Variants in ENPP6 observed in about 807,000 individuals in gnomAD.
ENPP6 encodes ectonucleotide pyrophosphatase/phosphodiesterase 6.
A neutral mutation model predicts 42.0 loss-of-function variants in ENPP6; 32 were observed. The ratio of observed to expected loss-of-function variants is 0.76; its 90% CI spans 0.58 to 1.02. The LOEUF (loss-of-function observed/expected upper bound fraction) is 1.02. ENPP6 is among the 50% of genes least tolerant of loss of function. The pLI is 0.00. For synonymous variants in ENPP6, 213 were observed against 216.0 expected (o/e 0.99, Z 0.12); for missense variants, 552 against 566.8 (o/e 0.97, Z 0.27).
intron 5 of ENPP6, among the ~76,000 whole-genome samples, chr4:184,113,899 T>TTTTCTTTCTTTC (rs70959170): frequency 0.027 from 2,821 of 103,680 alleles, 88 homozygotes; most frequent in Middle Eastern, 0.035. Flanking sequence ...CCTTTCTTTC[T>TTTTCTTTCTTTC]TTTCTTTCTT....
chr4:184,106,531 C>T (rs1736100238), intron 6 of ENPP6, among the ~76,000 whole-genome samples: 1 of 152,064 alleles, frequency 6.6e-6, no homozygotes, highest in Non-Finnish European at 1.5e-5. Context: ...ATTCCCTCAG[C>T]CTGGAGAGCA....
chr4:184,154,669 A>G (rs1056321696), intron 1 of ENPP6, among the ~76,000 whole-genome samples: 5 of 152,208 alleles, frequency 3.3e-5, no homozygotes, highest in Non-Finnish European at 7.3e-5. Flanking sequence ...ATAGACACTA[A>G]AAATATCAAA....
intron 1 of ENPP6, among the ~76,000 whole-genome samples, chr4:184,195,966 G>A (rs371000695): frequency 4.6e-5 from 7 of 152,170 alleles, no homozygotes; most frequent in African/African-American, 1.7e-4. Flanking sequence ...CTTGACCTGA[G>A]GTTCATTCTG....
chr4:184,151,171 C>G (rs1237573818), intron 2 of ENPP6, among the ~76,000 whole-genome samples: 1 of 152,146 alleles, frequency 6.6e-6, no homozygotes, highest in Non-Finnish European at 1.5e-5. Context: ...AACCCTGTCT[C>G]TACCAAAAAT....
chr4:184,147,506 G>A (rs1169502727), intron 2 of ENPP6, among the ~76,000 whole-genome samples: 2 of 152,142 alleles, frequency 1.3e-5, no homozygotes, highest in Non-Finnish European at 2.9e-5. Flanking sequence ...TTCAGCATGG[G>A]CCAGATGCTC....
At chr4:184,136,442 C>T (rs1159588478) in intron 2 of ENPP6, among the ~76,000 whole-genome samples, 1 of 152,064 alleles carries the variant, frequency 6.6e-6, no homozygotes, top group African/African-American at 2.4e-5. Context: ...CTCTTCATTT[C>T]CTCCTCCATC....
At chr4:184,206,616 A>T (rs1450455825) in intron 1 of ENPP6, among the ~76,000 whole-genome samples, 1 of 152,184 alleles carries the variant, frequency 6.6e-6, no homozygotes, top group Non-Finnish European at 1.5e-5. Context: ...CGATTGTTCA[A>T]GTACTTTCTG....
At chr4:184,131,204 C>CTTTCT (rs1560987306) in intron 2 of ENPP6, among the ~76,000 whole-genome samples, 1 of 45,180 alleles carries the variant, frequency 2.2e-5, no homozygotes, top group East Asian at 5.3e-4. Flanking sequence ...TTTCTTTCTT[C>CTTTCT]TTTCTTTCTT....
At chr4:184,179,040 G>A (rs1471201961) in intron 1 of ENPP6, among the ~76,000 whole-genome samples, 1 of 152,188 alleles carries the variant, frequency 6.6e-6, no homozygotes, top group Non-Finnish European at 1.5e-5. Flanking sequence ...AACCTTAACT[G>A]TAAATGGGAT....
intron 1 of ENPP6, among the ~76,000 whole-genome samples, chr4:184,172,652 GT>G (rs1467280614): frequency 6.6e-6 from 1 of 152,100 alleles, no homozygotes; most frequent in African/African-American, 2.4e-5. Context: ...ACTAATGTGG[GT>G]TTTTTTCTGC....
At chr4:184,120,131 T>A (rs1487368501) in intron 3 of ENPP6, among the ~76,000 whole-genome samples, 1 of 152,044 alleles carries the variant, frequency 6.6e-6, no homozygotes, top group African/African-American at 2.4e-5. Context: ...TGGCCCTAGA[T>A]CGCTTTTCCT....
At chr4:184,159,071 G>A (rs1459068598) in intron 1 of ENPP6, among the ~76,000 whole-genome samples, 2 of 152,104 alleles carry the variant, frequency 1.3e-5, no homozygotes, top group African/African-American at 4.8e-5. Context: ...CTGGCTACAT[G>A]TTTTATGTCA....
chr4:184,091,514 T>C, intron 7 of ENPP6, 132 bp from the exon 8 acceptor site: 1 of 779,366 alleles, frequency 1.3e-6, no homozygotes, highest in South Asian at 1.9e-5. Context: ...ATCAGTGGGG[T>C]GTGGCCTAGT....
intron 2 of ENPP6, among the ~76,000 whole-genome samples, chr4:184,125,280 G>A (rs546547462): frequency 2.6e-5 from 4 of 152,246 alleles, no homozygotes; most frequent in South Asian, 2.1e-4. Context: ...ATTTAGCCAC[G>A]GCAGTGGGAT....
Position 184,171,569 on chromosome 4 carries a change from C to A in ENPP6, c.242-17836G>T, listed in dbSNP as rs561354588. Among the ~76,000 whole-genome samples, 13 of 152,288 alleles carry A rather than the reference C, an allele frequency of 8.5e-5. No homozygotes were observed. In the South Asian group the frequency reaches 1.5e-3, roughly 17 times the overall value. ...AATATGATCTGCCACCATGAGAAAACAAATTCAAATAATTAAGCGGTGTCA... is the reference window on the plus strand; with the variant it reads ...AATATGATCTGCCACCATGAGAAAAAAAATTCAAATAATTAAGCGGTGTCA... On this transcript the variant is annotated intron_variant, in intron 1 of 7. Transcript: ENST00000296741.
chr4:184,169,859 G>T (rs7680502), intron 1 of ENPP6, among the ~76,000 whole-genome samples: 50,362 of 152,142 alleles, frequency 0.33, 9,862 homozygotes, highest in Admixed American at 0.46. Context: ...ATATTCGAAT[G>T]CACAAAACAG....
At chr4:184,205,752 C>G (rs1732985818) in intron 1 of ENPP6, among the ~76,000 whole-genome samples, 1 of 152,132 alleles carries the variant, frequency 6.6e-6, no homozygotes, top group African/African-American at 2.4e-5. Flanking sequence ...TGGCTTCAGC[C>G]AGGGGTCAGC....
intron 2 of ENPP6, among the ~76,000 whole-genome samples, chr4:184,138,207 A>T (rs551753606): frequency 1.4e-4 from 22 of 152,336 alleles, no homozygotes; most frequent in African/African-American, 5.1e-4. Context: ...AATCAATGCT[A>T]TTTCTAATCA....
At chr4:184,185,252 A>G (rs942882989) in intron 1 of ENPP6, among the ~76,000 whole-genome samples, 1 of 152,188 alleles carries the variant, frequency 6.6e-6, no homozygotes, top group African/African-American at 2.4e-5. Flanking sequence ...TGCTCCTGTC[A>G]TGATTCTTAC....
Sources: allele counts gnomAD v4.1 joint callset (sites outside exome capture counted in the v4.1 genomes callset), GRCh38; gene constraint gnomAD v4.1.1; transcripts MANE v1.5; gene names NCBI Gene and HGNC (gene_info 2026-07-23, HGNC 2026-07-21).